The following MAP7D2 variants were observed in gnomAD, a reference collection of about 807,000 sequenced individuals.
MAP7D2 encodes MAP7 domain containing 2.
In MAP7D2, 33 loss-of-function variants were observed where a neutral mutation model predicts 63.5. The observed-to-expected ratio is 0.52, with a 90% CI of 0.39 to 0.70. MAP7D2 has a LOEUF of 0.70. MAP7D2 is among the 30% of genes least tolerant of loss of function. The pLI, the probability that MAP7D2 is intolerant of heterozygous loss-of-function variation, is 0.00. For synonymous variants in MAP7D2, 224 were observed against 223.7 expected, an observed-to-expected ratio of 1.00 and a Z score of -0.01; for missense variants, 626 against 604.0, an observed-to-expected ratio of 1.04 and a Z score of -0.38.
intron 1 of MAP7D2, among the ~76,000 whole-genome samples, chrX:20,089,581 T>G (rs2066010419): frequency 1.8e-5 from 2 of 112,291 alleles, no homozygotes; most frequent in Non-Finnish European, 3.8e-5. Flanking sequence ...ATGTGGACTC[T>G]GAGTCCCTGC....
intron 1 of MAP7D2, among the ~76,000 whole-genome samples, chrX:20,114,861 G>A (rs1402866976): frequency 1.8e-5 from 2 of 111,950 alleles, no homozygotes; most frequent in African/African-American, 6.5e-5. Flanking sequence ...AATGCTAAGG[G>A]CCTGGGTAAC....
Position 20,007,985 on chromosome X carries a change from G to A in MAP7D2, c.*440C>T, listed in dbSNP as rs1020782405. The A allele has an allele frequency of 1.8e-5, 2 of 112,172 alleles. No individual in the cohort carries two copies. The highest frequency in any genetic ancestry group is 3.8e-5 in the Non-Finnish European group (2 of 53,263). The allele number at this position is 112,172 out of a possible 1,213,427, so 9.2% of individuals were successfully genotyped here. A position where few individuals can be genotyped will look rare whatever the true frequency, so the allele number is the denominator to read the frequency against. On this transcript the variant is annotated 3_prime_UTR_variant, in exon 17 of 17. Transcript: ENST00000379643. ...AAAGACAGGGAGATATACAGTGCAA[G>A]TTGAGTATATGTTGAACTAGAGTTT...
chrX:20,101,033 AAAAC>A (rs1397572411), intron 1 of MAP7D2, among the ~76,000 whole-genome samples: 18 of 110,358 alleles, frequency 1.6e-4, no homozygotes, highest in South Asian at 3.8e-4. Flanking sequence ...AAAAAAAAAA[AAAAC>A]AAACAAACAA....
At chrX:20,060,366 G>A (rs1353446430) in intron 3 of MAP7D2, among the ~76,000 whole-genome samples, 8 of 106,170 alleles carry the variant, frequency 7.5e-5, no homozygotes, top group East Asian at 5.9e-4. Flanking sequence ...CACCCCCAGC[G>A]GTCCTCAGCA....
At chrX:20,070,586 T>C (rs1446814317) in intron 1 of MAP7D2, among the ~76,000 whole-genome samples, 1 of 111,260 alleles carries the variant, frequency 9.0e-6, no homozygotes, top group African/African-American at 3.3e-5. Flanking sequence ...AGAGCACCCA[T>C]GTCAGAGCCA....
chrX:20,112,928 G>A (rs766817714), intron 1 of MAP7D2, among the ~76,000 whole-genome samples: 6 of 112,224 alleles, frequency 5.3e-5, no homozygotes, highest in Non-Finnish European at 7.5e-5. Flanking sequence ...AAGACAAAGT[G>A]TTCTTTTAAA....
chrX:20,053,900 G>A (rs1024152553), intron 4 of MAP7D2, among the ~76,000 whole-genome samples: 1 of 111,733 alleles, frequency 8.9e-6, no homozygotes, highest in Admixed American at 9.5e-5. Flanking sequence ...CTAGAGTGCA[G>A]TGGCACGATC....
chrX:20,035,201 C>T (rs933853390), intron 8 of MAP7D2, among the ~76,000 whole-genome samples: 1 of 111,937 alleles, frequency 8.9e-6, no homozygotes, highest in African/African-American at 3.2e-5. Context: ...GCACATGATG[C>T]TCTGTCAACA....
intron 1 of MAP7D2, among the ~76,000 whole-genome samples, chrX:20,067,319 T>C (rs1300265525): frequency 8.9e-6 from 1 of 112,201 alleles, no homozygotes; most frequent in African/African-American, 3.2e-5. Flanking sequence ...ACCTTGAGGC[T>C]TTACAGAGGC....
intron 1 of MAP7D2, among the ~76,000 whole-genome samples, chrX:20,065,265 T>C (rs1235233777): frequency 1.1e-5 from 1 of 88,304 alleles, no homozygotes; most frequent in African/African-American, 4.6e-5. Flanking sequence ...AACATTTTAC[T>C]TTTTTTTTTT....
chrX:20,052,730 C>G (rs936359900), intron 5 of MAP7D2, 148 bp downstream of exon 5: 2 of 478,337 alleles, frequency 4.2e-6, no homozygotes, highest in Admixed American at 7.1e-5. Flanking sequence ...CTGACAAGGC[C>G]CTAGAGCTCC....
intron 12 of MAP7D2, among the ~76,000 whole-genome samples, chrX:20,014,687 G>A (rs750556392): frequency 1.8e-5 from 2 of 111,874 alleles, no homozygotes; most frequent in Non-Finnish European, 3.8e-5. Context: ...AAGGAAAAAT[G>A]GACAAATCCA....
At chrX:20,093,934 G>A (rs2066139265) in intron 1 of MAP7D2, among the ~76,000 whole-genome samples, 1 of 111,076 alleles carries the variant, frequency 9.0e-6, no homozygotes, top group South Asian at 3.7e-4. Flanking sequence ...AACTGGCCAT[G>A]TATCTGAAAA....
intron 1 of MAP7D2, among the ~76,000 whole-genome samples, chrX:20,092,514 A>C (rs754837004): frequency 8.9e-6 from 1 of 112,122 alleles, no homozygotes; most frequent in Admixed American, 9.5e-5. Flanking sequence ...TATACAAGTT[A>C]TCTTGTCCAC....
rs1253903686 is a variant in MAP7D2 at position 20,013,112 on chromosome X, C to T, written c.1827G>A (p.Gly609=). The T allele has an allele frequency of 7.4e-6, 9 of 1,209,338 alleles. No homozygotes were observed. The Admixed American group carries it at 2.0e-4, about 26-fold the overall frequency. ...PQVKKEDPKV[G]VQPAVCVEKK... is the part of the protein sequence containing the mutation. Reference sequence around the variant, plus strand: ...TTTCCACACACACAGCAGGCTGGACCCCCACTTTGGGGTCTTCTTTCTGAA... The same window carrying T: ...TTTCCACACACACAGCAGGCTGGACTCCCACTTTGGGGTCTTCTTTCTGAA... Residue 609 remains glycine (G), a synonymous_variant, in exon 14 of 17, where the codon GGG becomes GGA. Coordinates refer to ENST00000379643, the MANE Select transcript of MAP7D2 (RefSeq NM_001168465.2).
rs746702025 is a variant in MAP7D2 at position 20,050,923 on chromosome X, T to C, written c.619A>G (p.Met207Val). The C allele has an allele frequency of 4.7e-5, 55 of 1,166,494 alleles. No individual in the cohort carries two copies. The highest frequency in any genetic ancestry group is 4.6e-4 in the Middle Eastern group (2 of 4,319). ...DRAHHMHLSP[M>V]EAILVSRLLT... ...AGTCGCGAAACAAGAATGGCTTCCA[T>C]TGGACTAAGGTGCATGTGATGAGCT... Residue 207 changes from methionine to valine, a missense_variant, in exon 6 of 17, where the codon ATG becomes GTG. Met to Val is a conservative substitution (Grantham distance 21). Coordinates refer to ENST00000379643, the MANE Select transcript of MAP7D2 (RefSeq NM_001168465.2).
rs1439573469 is a variant in MAP7D2, at chrX:20,100,779, T to C, written c.130+15971A>G. ...GCTCAAGTCTGTAATCCCAGCACTT[T>C]GGGAGGCTGAGACAGGCAGATCACC... is the stretch of plus-strand genomic sequence containing the variant. On this transcript the variant is annotated intron_variant, in intron 1 of 16. Coordinates refer to ENST00000379643, the MANE Select transcript of MAP7D2 (RefSeq NM_001168465.2). Among the ~76,000 whole-genome samples, 4 of 111,110 alleles carry C rather than the reference T, an allele frequency of 3.6e-5. No homozygotes were observed. In the East Asian group the frequency reaches 1.1e-3, roughly 31 times the overall value.
At chrX:20,029,600 C>A (rs970781571) in intron 8 of MAP7D2, among the ~76,000 whole-genome samples, 11 of 111,590 alleles carry the variant, frequency 9.9e-5, no homozygotes, top group African/African-American at 3.3e-4. Context: ...TACCCATGAG[C>A]ACACATTTAA....
Position 20,042,249 on chromosome X carries a change from G to GA in MAP7D2, c.1007+252dup, listed in dbSNP as rs1375482719. Reference sequence around the variant, plus strand: ...AGAATGGAATTCATGGACCTAAAGAGAAAATGCTGAATGCATCATCTTGGT... The same window carrying GA: ...AGAATGGAATTCATGGACCTAAAGAGAAAAATGCTGAATGCATCATCTTGGT... On this transcript the variant is annotated intron_variant, in intron 8 of 16. Transcript: ENST00000379643. Among the ~76,000 whole-genome samples the GA allele has an allele frequency of 4.5e-5, 5 of 111,563 alleles. No homozygotes were observed. The East Asian group carries it at 1.4e-3, about 31-fold the overall frequency.
Sources: gnomAD v4.1 joint callset for allele counts (sites outside exome capture counted in the v4.1 genomes callset) on GRCh38, gnomAD v4.1.1 for gene constraint, MANE v1.5 for transcripts, NCBI Gene and HGNC (gene_info 2026-07-23, HGNC 2026-07-21) for gene names.